Variants in AFG2A observed in about 807,000 individuals in gnomAD.
AFG2A encodes AAA ATPase AFG2A.
At chr4:123,048,959 T>A in the AFG2A span, among the ~76,000 whole-genome samples, 1 of 152,202 alleles carries the variant, frequency 6.6e-6, no homozygotes. Flanking sequence ...GTGTAAAGGC[T>A]TTCCATTTTT....
At chr4:123,132,981 C>A in the AFG2A span, among the ~76,000 whole-genome samples, 1 of 151,990 alleles carries the variant, frequency 6.6e-6, no homozygotes, top group Non-Finnish European at 1.5e-5. Flanking sequence ...GGGGTTTCAC[C>A]GTGTTAGCCA....
At chr4:123,174,817 T>C in the AFG2A span, among the ~76,000 whole-genome samples, 1 of 114,276 alleles carries the variant, frequency 8.8e-6, no homozygotes, top group Non-Finnish European at 2.2e-5. Context: ...TCTGATCTTT[T>C]TTAAAAAAAA....
chr4:122,949,141 G>T, the AFG2A span, among the ~76,000 whole-genome samples: 1 of 152,156 alleles, frequency 6.6e-6, no homozygotes, highest in Non-Finnish European at 1.5e-5. Flanking sequence ...ATACACAACA[G>T]GTTTTAATTA....
the AFG2A span, among the ~76,000 whole-genome samples, chr4:123,232,495 C>A: frequency 2.0e-5 from 3 of 151,892 alleles, no homozygotes; most frequent in Non-Finnish European, 2.9e-5. Flanking sequence ...ATTTTAACAA[C>A]CTGGAATTCA....
the AFG2A span, among the ~76,000 whole-genome samples, chr4:123,152,466 C>A: frequency 1.3e-5 from 2 of 152,218 alleles, no homozygotes; most frequent in African/African-American, 4.8e-5. Context: ...CCTTAACAGA[C>A]ACCTCACCAA....
chr4:122,986,682 A>G, the AFG2A span, among the ~76,000 whole-genome samples: 5 of 152,162 alleles, frequency 3.3e-5, no homozygotes, highest in African/African-American at 9.7e-5. Context: ...AAATGTCACA[A>G]ATCACCACTA....
chr4:122,988,107 A>G, the AFG2A span, among the ~76,000 whole-genome samples: 1 of 150,862 alleles, frequency 6.6e-6, no homozygotes, highest in Admixed American at 6.6e-5. Flanking sequence ...TCAATATATC[A>G]TCTTACTCTC....
the AFG2A span, among the ~76,000 whole-genome samples, chr4:123,064,124 T>A: frequency 4.6e-5 from 7 of 152,232 alleles, no homozygotes; most frequent in Non-Finnish European, 8.8e-5. Context: ...TATTTACTTC[T>A]CTTCTGTATG....
chr4:122,948,022 TA>T, the AFG2A span, among the ~76,000 whole-genome samples: 62 of 152,206 alleles, frequency 4.1e-4, 1 homozygote, highest in South Asian at 1.0e-3. Flanking sequence ...ATAATGCATA[TA>T]AAAAATATGG....
the AFG2A span, among the ~76,000 whole-genome samples, chr4:122,956,077 C>A: frequency 1.3e-5 from 2 of 152,164 alleles, no homozygotes; most frequent in African/African-American, 4.8e-5. Flanking sequence ...ACATTTTATG[C>A]ACTCTAGAAG....
At chr4:123,112,806 T>C in the AFG2A span, among the ~76,000 whole-genome samples, 8 of 152,172 alleles carry the variant, frequency 5.3e-5, no homozygotes, top group Non-Finnish European at 2.9e-5. Context: ...TTCTTGATAT[T>C]TTGATTTTTT....
At chr4:123,179,416 C>G in the AFG2A span, among the ~76,000 whole-genome samples, 12 of 152,342 alleles carry the variant, frequency 7.9e-5, no homozygotes, top group Non-Finnish European at 1.6e-4. Flanking sequence ...TCTTGGCTTA[C>G]TGTAACCTCT....
chr4:122,953,239 A>G, the AFG2A span, among the ~76,000 whole-genome samples: 1 of 152,170 alleles, frequency 6.6e-6, no homozygotes, highest in African/African-American at 2.4e-5. Flanking sequence ...GCCTGATAAG[A>G]TATCCATTCT....
At chr4:123,296,058 A>G in the AFG2A span, among the ~76,000 whole-genome samples, 3 of 152,202 alleles carry the variant, frequency 2.0e-5, no homozygotes, top group Non-Finnish European at 4.4e-5. Context: ...GGATAGCATC[A>G]TTTTGCAGCC....
the AFG2A span, among the ~76,000 whole-genome samples, chr4:123,264,794 A>G: frequency 2.6e-5 from 4 of 152,156 alleles, no homozygotes; most frequent in Non-Finnish European, 4.4e-5. Flanking sequence ...ACTCACTTTC[A>G]TCTTGTAATA....
chr4:123,034,571 G>GAAAAA, the AFG2A span, among the ~76,000 whole-genome samples: 3 of 135,144 alleles, frequency 2.2e-5, no homozygotes, highest in African/African-American at 8.5e-5. Flanking sequence ...ATGCTGGAAT[G>GAAAAA]AAAAAAAAAA....
the AFG2A span, among the ~76,000 whole-genome samples, chr4:123,128,352 G>C: frequency 6.6e-6 from 1 of 151,998 alleles, no homozygotes; most frequent in Non-Finnish European, 1.5e-5. Context: ...AGTATCTCAG[G>C]GTAAACATAA....
the AFG2A span, among the ~76,000 whole-genome samples, chr4:122,958,144 A>G: frequency 6.6e-6 from 1 of 152,294 alleles, no homozygotes; most frequent in South Asian, 2.1e-4. Flanking sequence ...TCCTGCCTTT[A>G]TAAGTAGCAA....
the AFG2A span, among the ~76,000 whole-genome samples, chr4:123,170,853 ACCGTT>A: frequency 3.3e-5 from 5 of 152,118 alleles, no homozygotes; most frequent in Non-Finnish European, 7.4e-5. Flanking sequence ...TTTTAAAAAA[ACCGTT>A]AGTTTTGTGA....
Sources: gnomAD v4.1 joint callset for allele counts (sites outside exome capture counted in the v4.1 genomes callset) on GRCh38, gnomAD v4.1.1 for gene constraint, MANE v1.5 for transcripts, NCBI Gene and HGNC (gene_info 2026-07-23, HGNC 2026-07-21) for gene names.